Variants in FAAH2 observed in about 807,000 individuals in gnomAD.
FAAH2 encodes the protein fatty acid amide hydrolase 2.
A neutral mutation model predicts 36.9 loss-of-function variants in FAAH2; 60 were observed. The observed-to-expected ratio is 1.63, with a 90% confidence interval of 1.32 to 2.02. FAAH2 has a LOEUF of 2.02. Among genes scored for constraint, FAAH2 ranks in the 30% most tolerant of loss-of-function variants. The pLI is 0.00. For synonymous variants in FAAH2, 214 were observed against 143.8 expected, an observed-to-expected ratio of 1.49 and a Z score of -3.49; for missense variants, 689 against 397.5, an observed-to-expected ratio of 1.73 and a Z score of -6.23.
chrX:57,293,895 AAG>A (rs1490227133), intron 2 of FAAH2, among the ~76,000 whole-genome samples: 1 of 110,424 alleles, frequency 9.1e-6, no homozygotes, highest in Non-Finnish European at 1.9e-5. Flanking sequence ...TGGAGATTTG[AAG>A]AGAGAGAAAA....
chrX:57,294,631 C>G lies in FAAH2; in HGVS notation c.275+2051C>G, dbSNP rs769652741. 2.7e-5 allele frequency among the ~76,000 whole-genome samples: 3 copies of G among 112,155 alleles called. No homozygotes were observed. The South Asian group carries it at 1.1e-3, about 42-fold the overall frequency. On this transcript the variant is annotated intron_variant, in intron 2 of 10. Transcript: ENST00000374900. ...CTAATCGTACGGAACTACTCTATTTCTCCTGATCCATTTATGCTCTCTATC... is the reference window on the plus strand; with the variant it reads ...CTAATCGTACGGAACTACTCTATTTGTCCTGATCCATTTATGCTCTCTATC...
chrX:57,150,367 G>A, the FAAH2 span, among the ~76,000 whole-genome samples: 395 of 111,750 alleles, frequency 3.5e-3, 1 homozygote, highest in Non-Finnish European at 5.3e-3. Flanking sequence ...GGGTGTTAAA[G>A]TCTCCCATTA....
chrX:57,477,855 A>T (rs917096323), intron 10 of FAAH2, among the ~76,000 whole-genome samples: 1 of 111,857 alleles, frequency 8.9e-6, no homozygotes. Context: ...TCCATGGTGT[A>T]TGTGTGCCAC....
chrX:57,399,027 C>T (rs752844560), intron 7 of FAAH2, among the ~76,000 whole-genome samples: 13 of 111,568 alleles, frequency 1.2e-4, no homozygotes, highest in Non-Finnish European at 2.4e-4. Flanking sequence ...ATGTTATCAA[C>T]ATCCGAGCAT....
intron 7 of FAAH2, chrX:57,395,119 A>C: frequency 3.7e-6 from 2 of 540,815 alleles, no homozygotes; most frequent in Non-Finnish European, 6.9e-6. Flanking sequence ...TAGCTGCACT[A>C]CGAACCCGTG....
the FAAH2 span, among the ~76,000 whole-genome samples, chrX:57,206,846 T>A: frequency 8.9e-6 from 1 of 112,012 alleles, no homozygotes; most frequent in East Asian, 2.8e-4. Context: ...ATTTACCTGA[T>A]TTTTTCTTAA....
chrX:57,305,748 G>A (rs2052504111), intron 2 of FAAH2, among the ~76,000 whole-genome samples: 1 of 110,985 alleles, frequency 9.0e-6, no homozygotes, highest in African/African-American at 3.3e-5. Flanking sequence ...TACTCCACTT[G>A]GGTATTTTTG....
chrX:57,207,487 T>C, the FAAH2 span, among the ~76,000 whole-genome samples: 2 of 111,809 alleles, frequency 1.8e-5, no homozygotes, highest in Non-Finnish European at 3.8e-5. Context: ...AGGTAGGACG[T>C]TTATCAGTAA....
At chrX:57,220,661 G>A in the FAAH2 span, among the ~76,000 whole-genome samples, 1 of 112,186 alleles carries the variant, frequency 8.9e-6, no homozygotes, top group African/African-American at 3.2e-5. Context: ...GCAGGCCCAC[G>A]GGGCCGCAGC....
At chrX:57,277,619 G>T in the FAAH2 span, among the ~76,000 whole-genome samples, 1 of 111,936 alleles carries the variant, frequency 8.9e-6, no homozygotes, top group African/African-American at 3.3e-5. Flanking sequence ...ATTAGGAAAA[G>T]AGGAAGTCAA....
intron 3 of FAAH2, among the ~76,000 whole-genome samples, chrX:57,316,343 C>T (rs1245987642): frequency 8.9e-6 from 1 of 111,748 alleles, no homozygotes; most frequent in African/African-American, 3.2e-5. Context: ...TACCAAACTA[C>T]CAAAGACATT....
intron 10 of FAAH2, among the ~76,000 whole-genome samples, chrX:57,478,905 T>C: frequency 8.9e-6 from 1 of 111,789 alleles, no homozygotes; most frequent in Non-Finnish European, 1.9e-5. Context: ...GTAGTATAGT[T>C]TGAAGTCAGG....
the FAAH2 span, among the ~76,000 whole-genome samples, chrX:57,148,907 A>G: frequency 9.0e-6 from 1 of 111,499 alleles, no homozygotes; most frequent in African/African-American, 3.3e-5. Context: ...TGTCATAGAT[A>G]GCTCTTATTA....
the FAAH2 span, among the ~76,000 whole-genome samples, chrX:57,251,445 A>G: frequency 8.9e-6 from 1 of 111,806 alleles, no homozygotes; most frequent in African/African-American, 3.3e-5. Flanking sequence ...CAGGAACAAG[A>G]CAAGGATTCT....
At chrX:57,130,108 C>T in the FAAH2 span, among the ~76,000 whole-genome samples, 1 of 112,464 alleles carries the variant, frequency 8.9e-6, no homozygotes, top group Non-Finnish European at 1.9e-5. Flanking sequence ...CCACCTCTCA[C>T]ACCAACAATC....
the FAAH2 span, among the ~76,000 whole-genome samples, chrX:57,267,265 G>T: frequency 8.9e-6 from 1 of 112,823 alleles, no homozygotes; most frequent in Non-Finnish European, 1.9e-5. Flanking sequence ...CAGCATGCAG[G>T]AGTGCACTAC....
the FAAH2 span, among the ~76,000 whole-genome samples, chrX:57,206,716 A>T: frequency 1.8e-5 from 2 of 112,134 alleles, no homozygotes; most frequent in African/African-American, 6.5e-5. Context: ...CAGTCTTTTA[A>T]ATCAATGACT....
At chrX:57,409,030 T>C (rs1420652593) in intron 7 of FAAH2, among the ~76,000 whole-genome samples, 1 of 111,652 alleles carries the variant, frequency 9.0e-6, no homozygotes, top group Non-Finnish European at 1.9e-5. Context: ...GTATAGTCTC[T>C]AGTTCCTAGG....
At chrX:57,462,773 A>G (rs961222548) in intron 10 of FAAH2, among the ~76,000 whole-genome samples, 4 of 112,525 alleles carry the variant, frequency 3.6e-5, no homozygotes, top group African/African-American at 1.3e-4. Context: ...GTCTCTCACC[A>G]TTCCTATTCA....
Sources: allele counts gnomAD v4.1 joint callset (sites outside exome capture counted in the v4.1 genomes callset), GRCh38; gene constraint gnomAD v4.1.1; transcripts MANE v1.5; gene names NCBI Gene and HGNC (gene_info 2026-07-23, HGNC 2026-07-21).